Variants in TBC1D12 observed in about 807,000 individuals in gnomAD.
TBC1D12 encodes TBC1 domain family member 12.
A neutral mutation model predicts 86.7 loss-of-function variants in TBC1D12; 56 were observed. The observed-to-expected ratio is 0.65, with a 90% CI of 0.52 to 0.81. The LOEUF (loss-of-function observed/expected upper bound fraction) is 0.81, where lower values mean the gene tolerates loss of function less well. TBC1D12 is among the 30% of genes least tolerant of loss of function. The probability of loss-of-function intolerance (pLI) is 0.00; values close to 1 mark genes in which losing one functional copy is unlikely to be tolerated. For synonymous variants in TBC1D12, 421 were observed against 411.7 expected, an observed-to-expected ratio of 1.02 and a Z score of -0.27; for missense variants, 1,023 against 1,038.8, an observed-to-expected ratio of 0.98 and a Z score of 0.21.
intron 3 of TBC1D12, among the ~76,000 whole-genome samples, chr10:94,478,235 C>T (rs1325109439): frequency 6.6e-6 from 1 of 152,060 alleles, no homozygotes; most frequent in Non-Finnish European, 1.5e-5. Context: ...GCACTCCAGC[C>T]TGGGTGACAG....
intron 10 of TBC1D12, 56 bp from the exon 11 acceptor site, chr10:94,522,288 T>C: frequency 8.9e-7 from 1 of 1,124,090 alleles, no homozygotes; most frequent in Admixed American, 2.9e-5. Flanking sequence ...AAGCGTTTAA[T>C]TTCTTTATTT....
chr10:94,442,061 A>G, intron 2 of TBC1D12, 42 bp downstream of exon 2: 2 of 1,534,194 alleles, frequency 1.3e-6, no homozygotes, highest in Non-Finnish European at 1.7e-6. Context: ...TAGCTTTTCA[A>G]GCATTCTTCT....
chr10:94,446,578 G>A (rs1434124411), intron 2 of TBC1D12, among the ~76,000 whole-genome samples: 2 of 151,820 alleles, frequency 1.3e-5, no homozygotes, highest in Admixed American at 1.3e-4. Context: ...TTTTTGGAAT[G>A]TGGGGCTCAC....
chr10:94,424,250 T>C (rs142832903), intron 1 of TBC1D12, among the ~76,000 whole-genome samples: 1 of 152,304 alleles, frequency 6.6e-6, no homozygotes, highest in East Asian at 1.9e-4. Context: ...GGAAATAATA[T>C]TGTAAAGATA....
chr10:94,419,820 A>G (rs2055050869), intron 1 of TBC1D12, among the ~76,000 whole-genome samples: 1 of 152,194 alleles, frequency 6.6e-6, no homozygotes, highest in Admixed American at 6.5e-5. Context: ...CCACAAAGAA[A>G]AAAGTGAATC....
At chr10:94,431,854 A>T (rs2055219997) in intron 1 of TBC1D12, among the ~76,000 whole-genome samples, 1 of 152,152 alleles carries the variant, frequency 6.6e-6, no homozygotes, top group South Asian at 2.1e-4. Flanking sequence ...TCAGGTGGGG[A>T]TGAATAAGGG....
intron 1 of TBC1D12, among the ~76,000 whole-genome samples, chr10:94,425,413 TA>T (rs1299731870): frequency 6.6e-6 from 1 of 152,214 alleles, no homozygotes; most frequent in African/African-American, 2.4e-5. Context: ...TATGTCAGTT[TA>T]AAAAAGAAAA....
chr10:94,483,039 C>CTTTTTTTT (rs71031579), intron 3 of TBC1D12, among the ~76,000 whole-genome samples: 4 of 124,616 alleles, frequency 3.2e-5, no homozygotes, highest in East Asian at 2.3e-4. Flanking sequence ...TATTCTTCTT[C>CTTTTTTTT]TTTTTTTTTT....
At chr10:94,473,887 G>A (rs1194486279) in intron 2 of TBC1D12, among the ~76,000 whole-genome samples, 1 of 152,094 alleles carries the variant, frequency 6.6e-6, no homozygotes, top group Admixed American at 6.5e-5. Flanking sequence ...GAATTATCAG[G>A]TTGGATGAAT....
intron 2 of TBC1D12, among the ~76,000 whole-genome samples, chr10:94,459,298 G>T (rs761738431): frequency 2.0e-5 from 3 of 152,038 alleles, no homozygotes; most frequent in Non-Finnish European, 2.9e-5. Flanking sequence ...CCTTGAACTA[G>T]ACACAAGGTG....
At chr10:94,457,518 G>A (rs2055645900) in intron 2 of TBC1D12, among the ~76,000 whole-genome samples, 1 of 152,126 alleles carries the variant, frequency 6.6e-6, no homozygotes. Context: ...GGCCTCAAAT[G>A]GTCCTCCTGC....
In TBC1D12 at chr10:94,411,721, G is replaced by A. The variant is rs1174739713; in HGVS notation, c.971+8137G>A. Among the ~76,000 whole-genome samples the A allele has an allele frequency of 2.0e-5, 3 of 152,324 alleles. No individual in the cohort carries two copies. In the East Asian group the frequency reaches 5.8e-4, roughly 29 times the overall value. On this transcript the variant is annotated intron_variant, in intron 1 of 12. Transcript: ENST00000225235. ...CCAGTGGCTCATGCCTGCATTCGGA[G>A]CCCAAGGTGGGGGGACTGCTTCAGC...
intron 6 of TBC1D12, among the ~76,000 whole-genome samples, chr10:94,505,461 T>C (rs1391333366): frequency 6.6e-6 from 1 of 152,212 alleles, no homozygotes; most frequent in East Asian, 1.9e-4. Flanking sequence ...ATGCCAGTAA[T>C]CCCAGCTACT....
chr10:94,441,789 TA>T (rs1230996749), intron 1 of TBC1D12, 106 bp from the exon 2 acceptor site: 5 of 1,103,344 alleles, frequency 4.5e-6, no homozygotes, highest in African/African-American at 3.2e-5. Flanking sequence ...TAGTTTTATT[TA>T]AAAGTATTTT....
chr10:94,406,955 T>C (rs1434890714), intron 1 of TBC1D12, among the ~76,000 whole-genome samples: 1 of 152,182 alleles, frequency 6.6e-6, no homozygotes, highest in South Asian at 2.1e-4. Flanking sequence ...ATGGCTCTTT[T>C]CTCTCCCACC....
chr10:94,524,557 G>C (rs532760301), intron 11 of TBC1D12, among the ~76,000 whole-genome samples: 1 of 151,886 alleles, frequency 6.6e-6, no homozygotes, highest in Non-Finnish European at 1.5e-5. Context: ...TGGCCAACAT[G>C]GTGAAACCCG....
chr10:94,435,992 T>A (rs942996065), intron 1 of TBC1D12, among the ~76,000 whole-genome samples: 1 of 152,242 alleles, frequency 6.6e-6, no homozygotes, highest in African/African-American at 2.4e-5. Context: ...CTGAGTTGTT[T>A]ATTCTTTCTC....
intron 1 of TBC1D12, among the ~76,000 whole-genome samples, chr10:94,408,708 G>A (rs2054889343): frequency 6.6e-6 from 1 of 151,926 alleles, no homozygotes; most frequent in Non-Finnish European, 1.5e-5. Flanking sequence ...GTTCCATAGT[G>A]CCTCCACCAG....
intron 8 of TBC1D12, among the ~76,000 whole-genome samples, chr10:94,511,095 C>CTTTTTT (rs3053917): frequency 1.5e-5 from 1 of 66,824 alleles, no homozygotes; most frequent in African/African-American, 5.9e-5. Flanking sequence ...GTAAATATTT[C>CTTTTTT]TTTTTTTTTT....
Sources: allele counts gnomAD v4.1 joint callset (sites outside exome capture counted in the v4.1 genomes callset), GRCh38; gene constraint gnomAD v4.1.1; transcripts MANE v1.5; gene names NCBI Gene and HGNC (gene_info 2026-07-23, HGNC 2026-07-21).